Variants in PC observed in about 807,000 individuals in gnomAD.
The protein encoded by PC is pyruvate carboxylase, mitochondrial.
In PC, 46 loss-of-function variants were observed where a neutral mutation model predicts 107.8. That is an observed-to-expected ratio of 0.43 (90% CI 0.34 to 0.55). PC has a LOEUF of 0.55. Among genes scored for constraint, PC ranks in the 20% least tolerant of loss-of-function variants. The pLI is 0.04. For missense variants in PC, 1,241 were observed against 1,643.1 expected, an observed-to-expected ratio of 0.76 and a Z score of 4.23; for synonymous variants, 662 against 684.7, an observed-to-expected ratio of 0.97 and a Z score of 0.52.
intron 3 of PC, among the ~76,000 whole-genome samples, chr11:66,925,494 G>A (rs929347250): frequency 5.9e-5 from 9 of 152,164 alleles, no homozygotes; most frequent in Middle Eastern, 3.2e-3. Flanking sequence ...CCAGCTCACC[G>A]GCAGTCAGAG....
intron 3 of PC, among the ~76,000 whole-genome samples, chr11:66,911,421 CAA>C (rs778431341): frequency 1.9e-4 from 10 of 51,602 alleles, no homozygotes; most frequent in African/African-American, 2.1e-4. Flanking sequence ...GCAGCCTGGA[CAA>C]AAAAAAAAAA....
intron 10 of PC, among the ~76,000 whole-genome samples, 174 bp downstream of exon 10, chr11:66,868,672 C>T (rs1306927438): frequency 1.3e-5 from 2 of 152,210 alleles, no homozygotes; most frequent in South Asian, 2.1e-4. Flanking sequence ...ATAATAACCA[C>T]GTAATGCTTT....
intron 3 of PC, among the ~76,000 whole-genome samples, chr11:66,914,000 C>A (rs1410638388): frequency 3.9e-5 from 6 of 152,116 alleles, no homozygotes; most frequent in Non-Finnish European, 7.4e-5. Context: ...AAGAATGTTG[C>A]CCTCAAAAAA....
In PC at chr11:66,920,702, G is replaced by T. The variant is rs570609574; in HGVS notation, c.-1+31728C>A. Reference sequence around the variant, plus strand: ...GGTATCAGAACTCCAACCTCCTCAGGGAACAGAGCTGGGCCTGGATGCAAA... The same window carrying T: ...GGTATCAGAACTCCAACCTCCTCAGTGAACAGAGCTGGGCCTGGATGCAAA... On this transcript the variant is annotated intron_variant, in intron 3 of 22. Transcript: ENST00000393960. Among the ~76,000 whole-genome samples the T allele has an allele frequency of 4.6e-5, 7 of 152,242 alleles. No homozygotes were observed. The East Asian group carries it at 1.2e-3, about 25-fold the overall frequency.
At position 66,849,784 on chromosome 11, in the gene PC, T is replaced by C; in HGVS notation, c.2974A>G (p.Lys992Glu). Reference protein sequence around the residue: ...LPPLDLQALEKELVDRHGEEV... With the variant: ...LPPLDLQALEEELVDRHGEEV... Reference sequence around the variant, plus strand: ...TCCCCATGCCGGTCTACCAGCTCCTTCTCCAGTGCCTGCAGATCCAGGGGA... The same window carrying C: ...TCCCCATGCCGGTCTACCAGCTCCTCCTCCAGTGCCTGCAGATCCAGGGGA... The change falls in exon 21 of 23, where the codon AAG (lysine) becomes GAG (glutamate). Residue 992 changes from lysine (K) to glutamate (E), a missense_variant. Lys to Glu is a moderately conservative substitution (Grantham distance 56, BLOSUM62 1). This residue lies in a region of PC where 1,143 missense variants were observed against 1,551.9 expected (regional missense o/e 0.74). Transcript: ENST00000393960. 17 of 1,614,006 alleles carry C rather than the reference T, an allele frequency of 1.1e-5. No homozygotes were observed. In the South Asian group the frequency reaches 1.8e-4, roughly 17 times the overall value.
intron 3 of PC, among the ~76,000 whole-genome samples, chr11:66,935,268 C>T (rs1021026030): frequency 2.0e-5 from 3 of 152,142 alleles, no homozygotes; most frequent in African/African-American, 2.4e-5. Context: ...CTGATTGCCA[C>T]GTAAGAATAT....
In PC at chr11:66,938,269, C is replaced by T. The variant is rs1032299613; in HGVS notation, c.-1+14161G>A. Among the ~76,000 whole-genome samples, 6 of 152,246 alleles carry T rather than the reference C, an allele frequency of 3.9e-5. No individual in the cohort carries two copies. The East Asian group carries it at 1.2e-3, about 29-fold the overall frequency. On this transcript the variant is annotated intron_variant, in intron 3 of 22. Transcript: ENST00000393960. ...TGAATAAATGTGTCTTAGATTGTTG[C>T]AAGCCTTTGGTTAATTTCTCGAGTT...
intron 3 of PC, among the ~76,000 whole-genome samples, chr11:66,893,801 C>T (rs1435413278): frequency 6.9e-6 from 1 of 145,836 alleles, no homozygotes; most frequent in Non-Finnish European, 1.5e-5. Context: ...TACCCCCTCA[C>T]TCCCCCTCCC....
chr11:66,849,018 G>A lies in PC; in HGVS notation c.3418C>T (p.Leu1140Phe). 1 of 1,614,096 alleles carries A rather than the reference G, an allele frequency of 6.2e-7. No individual in the cohort carries two copies. Among genetic ancestry groups the A allele is most frequent in the Non-Finnish European group, 8.5e-7 (1 of 1,180,038 alleles). ...ACAGTCTCCATCTTCATGGCACTGA[G>A]CACACACAGGGGCTGGCCCTTGGCC... ...KVAKGQPLCV[L>F]SAMKMETVVT... The change falls in exon 23 of 23, where the codon CTC becomes TTC. Residue 1140 changes from leucine (L) to phenylalanine (F), a missense_variant. By Grantham distance (22) the Leu-to-Phe change is conservative. Transcript: ENST00000393960.
At position 66,850,030 on chromosome 11, in the gene PC, C is replaced by T. The variant is rs1278630981; in HGVS notation, c.2805G>A (p.Ala935=). ...GLSRAEAEAQ[A]EELSFPRSVV... ...CGGAGCGGGGAAAGGACAGCTCTTC[C>T]GCCTGAGCTTCGGCCTCTGCCCGGC... is the stretch of plus-strand genomic sequence containing the variant. The change falls in exon 20 of 23, where the codon GCG becomes GCA. Residue 935 remains alanine (A), a synonymous_variant. Coordinates refer to ENST00000393960, the MANE Select transcript of PC (RefSeq NM_001040716.2). 6 of 1,613,556 alleles carry T rather than the reference C, an allele frequency of 3.7e-6. No individual in the cohort carries two copies. Among genetic ancestry groups the T allele is most frequent in the African/African-American group, 1.3e-5 (1 of 74,950 alleles).
At chr11:66,861,904 C>T (rs1375249385) in intron 12 of PC, among the ~76,000 whole-genome samples, 1 of 152,116 alleles carries the variant, frequency 6.6e-6, no homozygotes, top group Non-Finnish European at 1.5e-5. Context: ...GGTGCAGAAG[C>T]CCACCTCTAG....
At chr11:66,953,527 C>T (rs1023860384) in intron 2 of PC, among the ~76,000 whole-genome samples, 9 of 152,164 alleles carry the variant, frequency 5.9e-5, no homozygotes, top group South Asian at 4.1e-4. Context: ...AAAAGCCACA[C>T]CTACCCTAGC....
chr11:66,938,756 ATAAATT>A (rs1278869709), intron 3 of PC, among the ~76,000 whole-genome samples: 2 of 152,198 alleles, frequency 1.3e-5, no homozygotes, highest in African/African-American at 4.8e-5. Flanking sequence ...TCCTATGGTA[ATAAATT>A]TAGAGTGACA....
chr11:66,900,110 T>A (rs1947893240), intron 3 of PC, among the ~76,000 whole-genome samples: 1 of 152,068 alleles, frequency 6.6e-6, no homozygotes, highest in African/African-American at 2.4e-5. Flanking sequence ...TATCTATATG[T>A]CTATCCTTAC....
In PC at chr11:66,908,825, G is replaced by A. The variant is rs572988390; in HGVS notation, c.1-36666C>T. ...AACACCCCGATGTCCCCGAGAACAC[G>A]CGTTAACTGAAAAGTCAGGGTGGAG... On this transcript the variant is annotated intron_variant, in intron 3 of 22. Transcript: ENST00000393960. Among the ~76,000 whole-genome samples the A allele has an allele frequency of 1.2e-4, 19 of 152,244 alleles. No homozygotes were observed. The South Asian group carries it at 2.5e-3, about 20-fold the overall frequency.
chr11:66,942,722 G>T (rs1473628139), intron 3 of PC, among the ~76,000 whole-genome samples: 1 of 151,926 alleles, frequency 6.6e-6, no homozygotes, highest in African/African-American at 2.4e-5. Context: ...AAATGGTTAA[G>T]AAAGTTTCGG....
At chr11:66,939,696 C>T (rs571259093) in intron 3 of PC, among the ~76,000 whole-genome samples, 20 of 149,026 alleles carry the variant, frequency 1.3e-4, no homozygotes, top group Admixed American at 4.8e-4. Flanking sequence ...CCCAGCTACT[C>T]GGAAGGCTGA....
chr11:66,862,271 C>A (rs1047543843), intron 12 of PC, among the ~76,000 whole-genome samples: 4 of 152,158 alleles, frequency 2.6e-5, no homozygotes, highest in East Asian at 1.9e-4. Flanking sequence ...AAGAGTAACA[C>A]CCCCTGGCCT....
chr11:66,870,917 C>A lies in PC; in HGVS notation c.634-25G>T, dbSNP rs943622927. The A allele has an allele frequency of 2.5e-6, 4 of 1,606,918 alleles. No individual in the cohort carries two copies. The African/African-American group carries it at 5.3e-5, about 21-fold the overall frequency. ...CCTGCGAGGGCGGGCAGGGGCCAGC[C>A]AGACCTCAGACCCCACAGCGCTACC... is the stretch of plus-strand genomic sequence containing the variant. On this transcript the variant is annotated intron_variant, in intron 7 of 22. Transcript: ENST00000393960. This position sits in a 1 kb window ranked among gnomAD's most constrained non-coding sequence, Gnocchi z 6.1.
Sources: gnomAD v4.1 joint callset for allele counts (sites outside exome capture counted in the v4.1 genomes callset) on GRCh38, gnomAD v4.1.1 for gene constraint, gnomAD v4.1.1 regional missense constraint, Gnocchi (gnomAD v3.1) non-coding constraint, MANE v1.5 for transcripts, NCBI Gene and HGNC (gene_info 2026-07-23, HGNC 2026-07-21) for gene names.